RALGPS2: variants seen among roughly 807,000 people sequenced by gnomAD.
RALGPS2 encodes Ral GEF with PH domain and SH3 binding motif 2.
Under a neutral mutation model 86.8 loss-of-function variants are expected in RALGPS2, and 43 were observed. The ratio of observed to expected loss-of-function variants is 0.50; its 90% CI spans 0.39 to 0.64. The LOEUF is 0.64. RALGPS2 is among the 30% of genes least tolerant of loss of function. The pLI is 0.00. For missense variants in RALGPS2, 536 were observed against 694.6 expected (o/e 0.77, Z 2.57); for synonymous variants, 243 against 231.3 (o/e 1.05, Z -0.46).
intron 17 of RALGPS2, among the ~76,000 whole-genome samples, chr1:178,898,369 T>C (rs187858067): frequency 6.6e-6 from 1 of 152,134 alleles, no homozygotes; most frequent in Admixed American, 6.6e-5. Flanking sequence ...TGGTTTATCC[T>C]ACTGAGGAAA....
At chr1:178,905,902 A>G (rs1431439016) in intron 18 of RALGPS2, among the ~76,000 whole-genome samples, 1 of 152,230 alleles carries the variant, frequency 6.6e-6, no homozygotes, top group Non-Finnish European at 1.5e-5. Flanking sequence ...GACTTTCCCC[A>G]AGAGCCCTCA....
chr1:178,842,788 A>G (rs1357815819), intron 8 of RALGPS2, among the ~76,000 whole-genome samples: 1 of 149,848 alleles, frequency 6.7e-6, no homozygotes, highest in South Asian at 2.1e-4. Context: ...TCTACAGTGA[A>G]CTCAAACAAA....
At chr1:178,857,421 CA>C in intron 8 of RALGPS2, among the ~76,000 whole-genome samples, 1 of 152,190 alleles carries the variant, frequency 6.6e-6, no homozygotes, top group East Asian at 1.9e-4. Context: ...GATAAAGAAA[CA>C]ACCTTAGAGT....
chr1:178,864,874 CATTT>C (rs1201954735), intron 8 of RALGPS2: 32 of 965,756 alleles, frequency 3.3e-5, no homozygotes, highest in Middle Eastern at 4.7e-4. Context: ...AATGAATAAG[CATTT>C]ATTATGAGCA....
chr1:178,768,378 T>C (rs1207202925), intron 1 of RALGPS2, among the ~76,000 whole-genome samples: 1 of 152,236 alleles, frequency 6.6e-6, no homozygotes, highest in African/African-American at 2.4e-5. Context: ...TATTATTTTT[T>C]CCTCCTTCCC....
chr1:178,835,134 G>C (rs555153034), intron 8 of RALGPS2, among the ~76,000 whole-genome samples: 1 of 152,286 alleles, frequency 6.6e-6, no homozygotes, highest in Non-Finnish European at 1.5e-5. Context: ...AATATAATTT[G>C]AGGAGAGAAG....
intron 19 of RALGPS2, among the ~76,000 whole-genome samples, chr1:178,915,924 T>A (rs1304779823): frequency 6.6e-6 from 1 of 152,214 alleles, no homozygotes; most frequent in Non-Finnish European, 1.5e-5. Flanking sequence ...ATTTTAAAAA[T>A]ATGCACCTAG....
At chr1:178,808,475 CTTA>C (rs1417193740) in intron 5 of RALGPS2, among the ~76,000 whole-genome samples, 2 of 151,982 alleles carry the variant, frequency 1.3e-5, no homozygotes, top group Non-Finnish European at 2.9e-5. Flanking sequence ...ATGCTCTTTT[CTTA>C]TTTTTATTTT....
intron 13 of RALGPS2, 64 bp downstream of exon 13, chr1:178,886,184 G>A: frequency 1.3e-6 from 2 of 1,547,366 alleles, no homozygotes; most frequent in Non-Finnish European, 1.7e-6. Context: ...ATAAAACTTG[G>A]CTGGAAAAAA....
At position 178,883,508 on chromosome 1, in the gene RALGPS2, T is replaced by G. The variant is rs370862605; in HGVS notation, c.879T>G (p.Ser293=). The G allele has an allele frequency of 2.7e-5, 44 of 1,613,610 alleles. No homozygotes were observed. The African/African-American group carries it at 5.3e-4, about 20-fold the overall frequency. Residue 293 remains serine (S), a synonymous_variant, in exon 11 of 20, where the codon TCT becomes TCG. Transcript: ENST00000367635. ...AACCAGGGACAAGCACCCCACGTTC[T>G]GCTGCTTCCAGAGAAGATTTAGTAG... ...KIEPGTSTPR[S]AASREDLVGP... is the part of the protein sequence containing the mutation.
At chr1:178,752,712 G>A (rs1041034649) in intron 1 of RALGPS2, among the ~76,000 whole-genome samples, 1 of 152,128 alleles carries the variant, frequency 6.6e-6, no homozygotes, top group Non-Finnish European at 1.5e-5. Flanking sequence ...TTAAAAAATA[G>A]TTATACTTTA....
rs1189796458 is a variant in RALGPS2, at chr1:178,776,686, A to G, written c.-79A>G. On this transcript the variant is annotated 5_prime_UTR_variant, in exon 2 of 20. The change creates a new upstream start codon in the 5' untranslated region. Coordinates refer to ENST00000367635, the MANE Select transcript of RALGPS2 (RefSeq NM_152663.5). ...AACTTTTTTTTTTTTTTACAGGAAT[A>G]ATGTATTTGTGGCCTTGGACATGAG... The G allele has an allele frequency of 1.5e-4, 158 of 1,048,270 alleles. No homozygotes were observed. The highest frequency in any genetic ancestry group is 3.6e-5 in the Non-Finnish European group (26 of 723,180). 64.9% of individuals were successfully genotyped at this position (1,048,270 alleles called of 1,614,324 possible). A position where few individuals can be genotyped will look rare whatever the true frequency, so the allele number is the denominator to read the frequency against.
At chr1:178,892,619 A>G (rs2102390624) in intron 15 of RALGPS2, among the ~76,000 whole-genome samples, 1 of 152,268 alleles carries the variant, frequency 6.6e-6, no homozygotes, top group Non-Finnish European at 1.5e-5. Flanking sequence ...CAATATAAAA[A>G]TCTGCTTCTT....
At chr1:178,916,161 T>C (rs556670495) in intron 19 of RALGPS2, among the ~76,000 whole-genome samples, 169 bp from the exon 20 acceptor site, 1 of 152,346 alleles carries the variant, frequency 6.6e-6, no homozygotes, top group East Asian at 1.9e-4. Flanking sequence ...CTCTCAAAAA[T>C]GTTCTAGCAT....
At chr1:178,731,683 TC>T (rs1650372684) in intron 1 of RALGPS2, among the ~76,000 whole-genome samples, 1 of 152,190 alleles carries the variant, frequency 6.6e-6, no homozygotes, top group Non-Finnish European at 1.5e-5. Flanking sequence ...CTTCAGTATA[TC>T]TGCTATGTCC....
intron 2 of RALGPS2, among the ~76,000 whole-genome samples, chr1:178,783,360 C>T (rs1219378383): frequency 6.6e-6 from 1 of 151,798 alleles, no homozygotes; most frequent in African/African-American, 2.4e-5. Context: ...CCAGAATAGC[C>T]CAGGACTGTA....
intron 18 of RALGPS2, among the ~76,000 whole-genome samples, chr1:178,904,650 C>G (rs187390875): frequency 6.6e-6 from 1 of 152,060 alleles, no homozygotes. Flanking sequence ...TGTTAAAGAT[C>G]AGTTGGCTGT....
At position 178,755,695 on chromosome 1, in the gene RALGPS2, G is replaced by C. The variant is rs115911215; in HGVS notation, c.-83-20987G>C. Among the ~76,000 whole-genome samples, 558 of 152,236 alleles carry C rather than the reference G, an allele frequency of 3.7e-3. 5 individuals are homozygous for C. Among genetic ancestry groups the C allele is most frequent in the African/African-American group, 0.012 (505 of 41,546 alleles). On this transcript the variant is annotated intron_variant, in intron 1 of 19. Transcript: ENST00000367635. ...TGGTAAGAACAATTTATTTTCTTTT[G>C]AAAGTTTACCCAGTAATGGGTTGCT...
intron 7 of RALGPS2, among the ~76,000 whole-genome samples, chr1:178,826,337 T>C (rs983492975): frequency 5.9e-5 from 9 of 152,150 alleles, no homozygotes; most frequent in Non-Finnish European, 8.8e-5. Context: ...CAAAATATAG[T>C]TTATACATAC....
Sources: gnomAD v4.1 joint callset for allele counts (sites outside exome capture counted in the v4.1 genomes callset) on GRCh38, gnomAD v4.1.1 for gene constraint, MANE v1.5 for transcripts, NCBI Gene and HGNC (gene_info 2026-07-23, HGNC 2026-07-21) for gene names.